Variants in LRBA observed in about 807,000 individuals in gnomAD.
LRBA encodes the protein LPS responsive beige-like anchor protein.
In LRBA, 176 loss-of-function variants were observed where a neutral mutation model predicts 330.0. The ratio of observed to expected loss-of-function variants is 0.53; its 90% CI spans 0.47 to 0.60. The LOEUF (loss-of-function observed/expected upper bound fraction) is 0.60. Ranked by LOEUF, LRBA falls within the 20% of genes least tolerant of loss-of-function variation. The pLI, the probability that LRBA is intolerant of heterozygous loss-of-function variation, is 0.00. For synonymous variants in LRBA, 1,230 were observed against 1,193.0 expected, an observed-to-expected ratio of 1.03 and a Z score of -0.64; for missense variants, 3,259 against 3,444.8, an observed-to-expected ratio of 0.95 and a Z score of 1.35.
chr4:150,379,423 A>G (rs919798032), intron 47 of LRBA, among the ~76,000 whole-genome samples: 1 of 151,936 alleles, frequency 6.6e-6, no homozygotes. Context: ...TTTGTATTAG[A>G]AAAAAAAGAA....
At chr4:150,854,701 A>C (rs1258062462) in intron 22 of LRBA, among the ~76,000 whole-genome samples, 2 of 152,184 alleles carry the variant, frequency 1.3e-5, no homozygotes, top group African/African-American at 4.8e-5. Flanking sequence ...CAAGAATAAA[A>C]GAGAGAGCAA....
At chr4:150,798,191 G>C (rs1741083313) in intron 33 of LRBA, 49 bp from the exon 34 acceptor site, 3 of 1,188,580 alleles carry the variant, frequency 2.5e-6, no homozygotes, top group South Asian at 2.5e-5. Flanking sequence ...AAACAAATGA[G>C]GATTTGTTAC....
intron 47 of LRBA, among the ~76,000 whole-genome samples, chr4:150,393,672 G>T (rs944167903): frequency 2.6e-5 from 4 of 152,134 alleles, no homozygotes; most frequent in Non-Finnish European, 4.4e-5. Flanking sequence ...TTTTTGTAGA[G>T]ATGGGGTCTT....
intron 31 of LRBA, among the ~76,000 whole-genome samples, chr4:150,812,161 C>T (rs901303621): frequency 1.3e-5 from 2 of 152,092 alleles, no homozygotes; most frequent in East Asian, 1.9e-4. Context: ...ATTTTTTCAA[C>T]TCAGGTAAAA....
chr4:150,438,973 T>C (rs528294513), intron 44 of LRBA, among the ~76,000 whole-genome samples: 1 of 152,336 alleles, frequency 6.6e-6, no homozygotes, highest in Non-Finnish European at 1.5e-5. Flanking sequence ...CATTAGTTTC[T>C]GTACAAAAGA....
intron 2 of LRBA, among the ~76,000 whole-genome samples, chr4:150,988,855 G>A (rs1264202181): frequency 2.6e-5 from 4 of 151,982 alleles, no homozygotes; most frequent in Non-Finnish European, 5.9e-5. Context: ...GGGATTACAG[G>A]TGTGAACCAC....
intron 40 of LRBA, among the ~76,000 whole-genome samples, chr4:150,519,935 T>C (rs1322209649): frequency 2.0e-5 from 3 of 152,176 alleles, no homozygotes; most frequent in African/African-American, 7.2e-5. Context: ...AGACAACAAA[T>C]TGTGCTGAAC....
chr4:150,592,932 C>T (rs1418262216), intron 38 of LRBA, among the ~76,000 whole-genome samples: 1 of 151,986 alleles, frequency 6.6e-6, no homozygotes, highest in East Asian at 1.9e-4. Flanking sequence ...TCTCACCTGG[C>T]CTATTTTTTT....
rs1561126714 is a variant in LRBA, at chr4:151,009,004, TATATATATATATATATATATATAA to T, written c.216+5399_216+5422del. 4.0e-3 allele frequency among the ~76,000 whole-genome samples: 68 copies of T among 16,920 alleles called. 11 individuals are homozygous for T. The highest frequency in any genetic ancestry group is 9.2e-3 in the African/African-American group (66 of 7,164). 11.1% of individuals were successfully genotyped at this position (16,920 alleles called of 152,430 possible). A position where few individuals can be genotyped will look rare whatever the true frequency, so the allele number is the denominator to read the frequency against. ...AAAAAAAAAAATATATATATATATA[TATATATATATATATATATATATAA>T]AATGGTATTTTTTTTTCTTATACAG... is the stretch of plus-strand genomic sequence containing the variant. On this transcript the variant is annotated intron_variant, in intron 2 of 56. Transcript: ENST00000651943.
At chr4:150,428,826 G>C (rs987980921) in intron 46 of LRBA, among the ~76,000 whole-genome samples, 1 of 152,072 alleles carries the variant, frequency 6.6e-6, no homozygotes, top group African/African-American at 2.4e-5. Context: ...CTGTTTCTAT[G>C]TTTTCTACAC....
intron 47 of LRBA, among the ~76,000 whole-genome samples, chr4:150,411,669 C>T (rs1352654339): frequency 6.6e-6 from 1 of 152,122 alleles, no homozygotes; most frequent in Non-Finnish European, 1.5e-5. Context: ...GAAGTATCGT[C>T]TGTAATAATC....
chr4:150,603,538 G>A (rs888995161), intron 37 of LRBA, among the ~76,000 whole-genome samples: 2 of 152,110 alleles, frequency 1.3e-5, no homozygotes, highest in African/African-American at 4.8e-5. Flanking sequence ...CTGGAATGCA[G>A]TGGCAACATG....
intron 36 of LRBA, among the ~76,000 whole-genome samples, chr4:150,716,175 G>T (rs995448987): frequency 6.6e-6 from 1 of 152,134 alleles, no homozygotes. Flanking sequence ...TGGGCTGGGC[G>T]CAGTGGCTCA....
chr4:150,860,061 A>C (rs1751699330), intron 22 of LRBA, among the ~76,000 whole-genome samples: 2 of 152,318 alleles, frequency 1.3e-5, no homozygotes, highest in South Asian at 4.1e-4. Flanking sequence ...GAAGAGCCTT[A>C]GGGTATAAGT....
intron 2 of LRBA, among the ~76,000 whole-genome samples, chr4:150,990,359 G>C (rs1457583325): frequency 6.6e-6 from 1 of 152,096 alleles, no homozygotes; most frequent in Non-Finnish European, 1.5e-5. Context: ...GAAGAATTTA[G>C]CATATAATCC....
chr4:150,541,832 T>G lies in LRBA; in HGVS notation c.6330+46216A>C, dbSNP rs543848539. Among the ~76,000 whole-genome samples the G allele has an allele frequency of 5.3e-5, 8 of 152,194 alleles. No homozygotes were observed. In the South Asian group the frequency reaches 1.5e-3, roughly 28 times the overall value. On this transcript the variant is annotated intron_variant, in intron 40 of 56. Coordinates refer to ENST00000651943, the MANE Select transcript of LRBA (RefSeq NM_001364905.1). ...CTCAGGCAGCAATAGGTGCACACTA[T>G]CACACCTGGCTAATTTAAAAAAAAT...
intron 34 of LRBA, 70 bp downstream of exon 34, chr4:150,798,006 AAATAT>A (rs1741050896): frequency 5.1e-6 from 5 of 971,824 alleles, no homozygotes; most frequent in Non-Finnish European, 8.0e-6. Context: ...TCAGTAATGC[AAATAT>A]AAAATCCCCC....
chr4:150,479,216 T>C (rs1188756163), intron 42 of LRBA, among the ~76,000 whole-genome samples: 1 of 151,954 alleles, frequency 6.6e-6, no homozygotes, highest in Non-Finnish European at 1.5e-5. Flanking sequence ...CAGATTGAGC[T>C]GCCGTGATTG....
Position 150,872,727 on chromosome 4 carries a change from T to G in LRBA, c.2194A>C (p.Ser732Arg), listed in dbSNP as rs1319378497. ...AGAGCTTGTACCCTGATTCCTTCAC[T>G]TTTCGATGCCAGAAGTTTGTAGATA... ...RVIYKLLASK[S>R]EGIRVQALKA... Residue 732 changes from serine to arginine, a missense_variant, in exon 18 of 57, where the codon AGT becomes CGT. Ser to Arg is a moderately radical substitution (Grantham distance 110, BLOSUM62 -1). Transcript: ENST00000651943. 6.2e-7 allele frequency: 1 copy of G among 1,605,390 alleles called. No homozygotes were observed.
Sources: gnomAD v4.1 joint callset for allele counts (sites outside exome capture counted in the v4.1 genomes callset) on GRCh38, gnomAD v4.1.1 for gene constraint, MANE v1.5 for transcripts, NCBI Gene and HGNC (gene_info 2026-07-23, HGNC 2026-07-21) for gene names.